GAPDHS: variants seen among roughly 807,000 people sequenced by gnomAD.
GAPDHS encodes glyceraldehyde-3-phosphate dehydrogenase, spermatogenic.
In GAPDHS, 42 loss-of-function variants were observed where a neutral mutation model predicts 48.7. The ratio of observed to expected loss-of-function variants is 0.86; its 90% CI spans 0.67 to 1.12. The LOEUF (loss-of-function observed/expected upper bound fraction) is 1.12, where lower values mean the gene tolerates loss of function less well. Ranked by LOEUF, GAPDHS falls within the 50% of genes most tolerant of loss-of-function variation. The pLI, the probability that GAPDHS is intolerant of heterozygous loss-of-function variation, is 0.00. For missense variants in GAPDHS, 512 were observed against 557.7 expected, an observed-to-expected ratio of 0.92 and a Z score of 0.82; for synonymous variants, 166 against 219.1, an observed-to-expected ratio of 0.76 and a Z score of 2.14.
chr19:35,538,613 TACAAGGGAA>T lies in GAPDHS; in HGVS notation c.380_388del (p.Tyr127_Ser130delinsCys). The stretch of plus-strand genomic sequence containing the variant: ...TAAGTATGACTCCACCCACGGCCGA[TACAAGGGAA>T]GTGTGGAATTCAGGAATGGACAACT... On this transcript the variant is annotated inframe_deletion, in exon 4 of 11. Transcript: ENST00000222286. 6.2e-7 allele frequency: 1 copy of T among 1,611,104 alleles called. No homozygotes were observed. The highest frequency in any genetic ancestry group is 8.5e-7 in the Non-Finnish European group (1 of 1,177,260).
intron 1 of GAPDHS, among the ~76,000 whole-genome samples, chr19:35,534,241 A>G (rs374044504): frequency 4.6e-5 from 7 of 152,130 alleles, no homozygotes; most frequent in African/African-American, 1.7e-4. Flanking sequence ...CGGAGGAACC[A>G]GGTCTTCCGG....
intron 1 of GAPDHS, 107 bp from the exon 2 acceptor site, chr19:35,536,706 T>C (rs1017914705): frequency 1.2e-6 from 1 of 865,012 alleles, no homozygotes; most frequent in African/African-American, 1.7e-5. Context: ...GCTAAATGGT[T>C]GGTCACGAGG....
At chr19:35,543,317 T>C (rs1381222686) in intron 7 of GAPDHS, 23 bp from the exon 8 acceptor site, 2 of 1,607,976 alleles carry the variant, frequency 1.2e-6, no homozygotes, top group South Asian at 1.1e-5. Flanking sequence ...GAAGGCCTCA[T>C]CTTGGTCCTT....
chr19:35,539,310 A>G (rs542367090), intron 4 of GAPDHS, among the ~76,000 whole-genome samples: 3 of 152,318 alleles, frequency 2.0e-5, no homozygotes, highest in Admixed American at 6.5e-5. Context: ...CTGGTCAACT[A>G]TGCCTGAATT....
rs2071532982 is a variant in GAPDHS, at chr19:35,544,790, G to T, written c.1057-119G>T. On this transcript the variant is annotated intron_variant, in intron 9 of 10. Coordinates refer to ENST00000222286, the MANE Select transcript of GAPDHS (RefSeq NM_014364.5). ...CAGTCCAGAGACTGGACACAGTAGG[G>T]CTACATCAAATATTATAGATGAATG... 7 of 724,202 alleles carry T rather than the reference G, an allele frequency of 9.7e-6. No homozygotes were observed. In the East Asian group the frequency reaches 1.8e-4, roughly 19 times the overall value. 44.9% of individuals were successfully genotyped at this position (724,202 alleles called of 1,614,324 possible).
In GAPDHS at chr19:35,543,669, C is replaced by G; in HGVS notation, c.898C>G (p.Leu300Val). 1 of 1,613,484 alleles carries G rather than the reference C, an allele frequency of 6.2e-7. No individual in the cohort carries two copies. Among genetic ancestry groups the G allele is most frequent in the Non-Finnish European group, 8.5e-7 (1 of 1,179,686 alleles). Residue 300 changes from leucine to valine, a missense_variant, in exon 9 of 11, where the codon CTG becomes GTG. By Grantham distance (32) the Leu-to-Val change is conservative (BLOSUM62 1). Coordinates refer to ENST00000222286, the MANE Select transcript of GAPDHS (RefSeq NM_014364.5). ...TKVIPELKGKLTGMAFRVPTP... is the reference protein window; with the variant it reads ...TKVIPELKGKVTGMAFRVPTP... ...TCCTCATGGGGGATTCTCCAGGAAG[C>G]TGACAGGGATGGCGTTCCGGGTACC...
chr19:35,541,324 G>C (rs1356829156), intron 4 of GAPDHS: 2 of 147,334 alleles, frequency 1.4e-5, no homozygotes, highest in Non-Finnish European at 3.0e-5. Flanking sequence ...TTGGCATGGT[G>C]GTGTGCGCCT....
chr19:35,543,276 G>A, intron 7 of GAPDHS, 64 bp from the exon 8 acceptor site: 3 of 1,583,576 alleles, frequency 1.9e-6, no homozygotes, highest in Non-Finnish European at 2.6e-6. Context: ...ACTTAGTCCT[G>A]GAAAAAAGAG....
At position 35,533,587 on chromosome 19, in the gene GAPDHS, G is replaced by C. The variant is rs766730375; in HGVS notation, c.60G>C (p.Pro20=). ...CCGTTGTCCAGTTGCTGCGACAGCC[G>C]TGCCCGGGTGAGGGAGGCAGCGGAG... ...NVTVVQLLRQ[P]CPVTRAPPPP... Residue 20 remains proline, a synonymous_variant, in exon 1 of 11, where the codon CCG becomes CCC. Transcript: ENST00000222286. 1.2e-6 allele frequency: 2 copies of C among 1,611,088 alleles called. No individual in the cohort carries two copies. Among genetic ancestry groups the C allele is most frequent in the African/African-American group, 2.7e-5 (2 of 74,932 alleles).
At chr19:35,536,575 C>CG (rs2071467323) in intron 1 of GAPDHS, among the ~76,000 whole-genome samples, 1 of 148,976 alleles carries the variant, frequency 6.7e-6, no homozygotes, top group East Asian at 2.0e-4. Context: ...TACTCTGTCT[C>CG]GGGAAAAAAA....
At chr19:35,534,542 G>C (rs1044506989) in intron 1 of GAPDHS, among the ~76,000 whole-genome samples, 1 of 152,060 alleles carries the variant, frequency 6.6e-6, no homozygotes, top group African/African-American at 2.4e-5. Context: ...TTCTCCAACC[G>C]GGGGACCCCA....
chr19:35,535,534 G>A (rs945586823), intron 1 of GAPDHS, among the ~76,000 whole-genome samples: 9 of 151,536 alleles, frequency 5.9e-5, no homozygotes, highest in African/African-American at 1.9e-4. Flanking sequence ...ACAAGCATGT[G>A]CCACCACGCC....
At chr19:35,542,856 G>A in intron 6 of GAPDHS, 89 bp from the exon 7 acceptor site, 1 of 977,896 alleles carries the variant, frequency 1.0e-6, no homozygotes, top group Non-Finnish European at 1.7e-6. Context: ...ATAAAACCAA[G>A]TCTGCGTGCA....
chr19:35,540,834 A>T (rs1006076201), intron 4 of GAPDHS: 1 of 149,150 alleles, frequency 6.7e-6, no homozygotes, highest in Non-Finnish European at 1.5e-5. Flanking sequence ...ATGGCTAACT[A>T]AAAAAAAAAC....
At chr19:35,542,820 C>A (rs1419050980) in intron 6 of GAPDHS, 125 bp from the exon 7 acceptor site, 2 of 782,660 alleles carry the variant, frequency 2.6e-6, no homozygotes, top group East Asian at 2.5e-5. Context: ...CCCCACAGAT[C>A]CCTCTCACCC....
In GAPDHS at chr19:35,535,772, A is replaced by ATT. The variant is rs35758620; in HGVS notation, c.68-1027_68-1026dup. Among the ~76,000 whole-genome samples, 687 of 129,662 alleles carry ATT rather than the reference A, an allele frequency of 5.3e-3. 18 individuals are homozygous for ATT. In the East Asian group the frequency reaches 0.076, roughly 14 times the overall value. The allele number at this position is 129,662 out of a possible 152,430, so 85.1% of individuals were successfully genotyped here. On this transcript the variant is annotated intron_variant, in intron 1 of 10. Transcript: ENST00000222286. ...TTCTAGGAAGAGCCCTCCTCAGGTG[A>ATT]TTTTTTTTTTTTTTTGAGACAGAGT...
At chr19:35,534,277 T>A (rs2071451225) in intron 1 of GAPDHS, among the ~76,000 whole-genome samples, 1 of 150,722 alleles carries the variant, frequency 6.6e-6, no homozygotes, top group Non-Finnish European at 1.5e-5. Context: ...CCCACACTGT[T>A]CCCTCACTTC....
chr19:35,542,248 G>A (rs367898213), intron 4 of GAPDHS, 71 bp from the exon 5 acceptor site: 3 of 1,069,212 alleles, frequency 2.8e-6, no homozygotes, highest in African/African-American at 1.6e-5. Context: ...CTGTCAAATG[G>A]TGAAAGCCAT....
intron 1 of GAPDHS, 21 bp downstream of exon 1, chr19:35,533,615 C>T (rs758021713): frequency 3.1e-6 from 5 of 1,594,618 alleles, no homozygotes; most frequent in East Asian, 2.2e-5. Flanking sequence ...CAGCGGAGGG[C>T]GCGGGGGAGG....
Sources: allele counts gnomAD v4.1 joint callset (sites outside exome capture counted in the v4.1 genomes callset), GRCh38; gene constraint gnomAD v4.1.1; transcripts MANE v1.5; gene names NCBI Gene and HGNC (gene_info 2026-07-23, HGNC 2026-07-21).